The following AFG2B variants were observed in gnomAD, a reference collection of about 807,000 sequenced individuals.
AFG2B encodes ATPase family gene 2 protein homolog B.
chr15:45,407,830 A>T, the AFG2B span, among the ~76,000 whole-genome samples: 1 of 152,222 alleles, frequency 6.6e-6, no homozygotes, highest in Non-Finnish European at 1.5e-5. Context: ...TTTTAATAAA[A>T]TTTTCAGGAC....
the AFG2B span, among the ~76,000 whole-genome samples, chr15:45,412,273 A>T: frequency 1.3e-5 from 2 of 149,418 alleles, no homozygotes; most frequent in Admixed American, 6.6e-5. Flanking sequence ...TGGTGGCGCA[A>T]GCCTGTAATC....
At chr15:45,418,362 AAGATTC>A in the AFG2B span, among the ~76,000 whole-genome samples, 1 of 151,296 alleles carries the variant, frequency 6.6e-6, no homozygotes, top group African/African-American at 2.4e-5. Context: ...AAAAAAAAAA[AAGATTC>A]ATAAGTTTTT....
the AFG2B span, chr15:45,410,512 A>G: frequency 6.2e-7 from 1 of 1,608,864 alleles, no homozygotes; most frequent in African/African-American, 1.3e-5. Flanking sequence ...TTGAAGATGT[A>G]AAACTGAAGT....
At chr15:45,421,274 A>G in the AFG2B span, 1 of 1,123,788 alleles carries the variant, frequency 8.9e-7, no homozygotes, top group Non-Finnish European at 1.2e-6. Context: ...GTCGTTTGCA[A>G]CTTCACACTT....
chr15:45,411,458 C>T, the AFG2B span, among the ~76,000 whole-genome samples: 1 of 152,192 alleles, frequency 6.6e-6, no homozygotes, highest in Non-Finnish European at 1.5e-5. Context: ...GCTGGGACTA[C>T]AGGTGCATAC....
the AFG2B span, chr15:45,403,322 G>A: frequency 6.2e-7 from 1 of 1,600,454 alleles, no homozygotes. Flanking sequence ...CGCGGACCCA[G>A]CCTCCTCTTC....
the AFG2B span, among the ~76,000 whole-genome samples, chr15:45,409,083 G>A: frequency 1.3e-5 from 2 of 152,184 alleles, no homozygotes; most frequent in East Asian, 1.9e-4. Context: ...ACATTTAAGA[G>A]TTTGGAAATG....
At chr15:45,410,814 G>C in the AFG2B span, among the ~76,000 whole-genome samples, 3 of 152,154 alleles carry the variant, frequency 2.0e-5, no homozygotes, top group Non-Finnish European at 4.4e-5. Flanking sequence ...CCAGCACTTT[G>C]GGAGGCCAAG....
the AFG2B span, among the ~76,000 whole-genome samples, chr15:45,412,543 C>T: frequency 2.0e-5 from 3 of 152,186 alleles, 1 homozygote; most frequent in Non-Finnish European, 4.4e-5. Context: ...CAGCTGTAGA[C>T]CATATGTAAA....
the AFG2B span, among the ~76,000 whole-genome samples, chr15:45,416,600 G>A: frequency 6.6e-6 from 1 of 152,168 alleles, no homozygotes; most frequent in Non-Finnish European, 1.5e-5. Flanking sequence ...TCAAAATGCA[G>A]GAATTCCTTC....
At chr15:45,420,141 T>C in the AFG2B span, among the ~76,000 whole-genome samples, 85,226 of 152,068 alleles carry the variant, frequency 0.56, 27,374 homozygotes, top group East Asian at 0.91. Context: ...TTCTTTAACC[T>C]AAAAAGAAAT....
At chr15:45,421,385 G>C in the AFG2B span, 1 of 414,208 alleles carries the variant, frequency 2.4e-6, no homozygotes, top group Non-Finnish European at 4.2e-6. Flanking sequence ...TTTTTAAAAG[G>C]CATATTAAAT....
the AFG2B span, chr15:45,416,792 G>A: frequency 2.0e-5 from 3 of 153,058 alleles, no homozygotes; most frequent in African/African-American, 7.2e-5. Context: ...TCCAGGATTT[G>A]CGCACCTGCA....
chr15:45,417,325 G>A, the AFG2B span: 2 of 1,614,100 alleles, frequency 1.2e-6, no homozygotes, highest in Non-Finnish European at 1.7e-6. Context: ...AAATAGACCT[G>A]ATGTGTTAGA....
chr15:45,408,101 A>T, the AFG2B span, among the ~76,000 whole-genome samples: 1 of 152,376 alleles, frequency 6.6e-6, no homozygotes, highest in South Asian at 2.1e-4. Flanking sequence ...AGAAAAGACC[A>T]ACAGTCCAAG....
chr15:45,410,416 T>A, the AFG2B span: 1 of 1,613,918 alleles, frequency 6.2e-7, no homozygotes. Context: ...TCCTTGAAGC[T>A]TTTAAAAATA....
the AFG2B span, chr15:45,403,477 C>G: frequency 6.2e-7 from 1 of 1,607,626 alleles, no homozygotes; most frequent in South Asian, 1.1e-5. Flanking sequence ...GCCGGACGCT[C>G]TAGACCCAGC....
the AFG2B span, among the ~76,000 whole-genome samples, chr15:45,419,986 T>TCACCCCC: frequency 2.0e-5 from 1 of 49,246 alleles, no homozygotes; most frequent in Non-Finnish European, 3.6e-5. Flanking sequence ...CAAGACTCTG[T>TCACCCCC]CCCCCCCCCC....
the AFG2B span, chr15:45,405,593 T>A: frequency 7.7e-7 from 1 of 1,298,346 alleles, no homozygotes; most frequent in African/African-American, 1.5e-5. Context: ...TGAGTACATT[T>A]TCCTTAGAAC....
Sources: allele counts gnomAD v4.1 joint callset (sites outside exome capture counted in the v4.1 genomes callset), GRCh38; gene constraint gnomAD v4.1.1; transcripts MANE v1.5; gene names NCBI Gene and HGNC (gene_info 2026-07-23, HGNC 2026-07-21).